Variants in GRID2 observed in about 807,000 individuals in gnomAD.
GRID2 encodes the protein glutamate receptor ionotropic, delta-2.
In GRID2, 33 loss-of-function variants were observed where a neutral mutation model predicts 114.8. The ratio of observed to expected loss-of-function variants is 0.29; its 90% CI spans 0.22 to 0.38. The LOEUF (loss-of-function observed/expected upper bound fraction) is 0.38. Among genes scored for constraint, GRID2 ranks in the 10% least tolerant of loss-of-function variants. GRID2 has a pLI of 1.00. For synonymous variants in GRID2, 505 were observed against 449.9 expected (o/e 1.12, Z -1.55); for missense variants, 1,184 against 1,257.7 (o/e 0.94, Z 0.89).
chr4:92,391,471 C>T (rs768060866), intron 1 of GRID2, among the ~76,000 whole-genome samples: 3 of 151,940 alleles, frequency 2.0e-5, no homozygotes, highest in Non-Finnish European at 2.9e-5. Context: ...TGGCATTGCT[C>T]TTATTATAGC....
At chr4:93,733,390 C>G (rs1471256258) in intron 14 of GRID2, among the ~76,000 whole-genome samples, 1 of 152,122 alleles carries the variant, frequency 6.6e-6, no homozygotes, top group East Asian at 1.9e-4. Context: ...TCCTTATTTA[C>G]AAAGTAGATC....
chr4:93,097,513 T>A (rs1169066462), intron 3 of GRID2, among the ~76,000 whole-genome samples: 1 of 151,938 alleles, frequency 6.6e-6, no homozygotes, highest in Non-Finnish European at 1.5e-5. Flanking sequence ...AGAAGAGCTT[T>A]TTAGTAATTG....
chr4:92,991,957 C>G (rs1754931545), intron 2 of GRID2, among the ~76,000 whole-genome samples: 1 of 152,070 alleles, frequency 6.6e-6, no homozygotes, highest in Non-Finnish European at 1.5e-5. Flanking sequence ...TACTTTATAT[C>G]AACGTATGTG....
intron 1 of GRID2, among the ~76,000 whole-genome samples, chr4:92,552,143 C>T (rs1726624194): frequency 6.6e-6 from 1 of 151,156 alleles, no homozygotes; most frequent in African/African-American, 2.4e-5. Context: ...AGCAGTACTT[C>T]GGTATGAGGA....
chr4:92,338,034 C>G (rs977999670), intron 1 of GRID2, among the ~76,000 whole-genome samples: 1 of 151,914 alleles, frequency 6.6e-6, no homozygotes, highest in African/African-American at 2.4e-5. Flanking sequence ...GAAGAAGCAC[C>G]AACAGTATCT....
chr4:92,351,457 G>C (rs1728066794), intron 1 of GRID2, among the ~76,000 whole-genome samples: 1 of 151,750 alleles, frequency 6.6e-6, no homozygotes, highest in Non-Finnish European at 1.5e-5. Flanking sequence ...ATCAGATCCA[G>C]GTAATTAGCA....
At chr4:92,514,350 T>C (rs62310697) in intron 1 of GRID2, among the ~76,000 whole-genome samples, 8,895 of 151,974 alleles carry the variant, frequency 0.059, 288 homozygotes, top group East Asian at 0.084. Flanking sequence ...TATGAAAGTT[T>C]ATTGAATTTA....
At chr4:92,562,727 C>T (rs1409889799) in intron 1 of GRID2, among the ~76,000 whole-genome samples, 1 of 152,062 alleles carries the variant, frequency 6.6e-6, no homozygotes, top group Non-Finnish European at 1.5e-5. Context: ...TGAATCTTGG[C>T]TCTCCAAACC....
intron 11 of GRID2, among the ~76,000 whole-genome samples, chr4:93,467,900 G>A (rs1355327693): frequency 6.6e-6 from 1 of 152,166 alleles, no homozygotes; most frequent in Admixed American, 6.5e-5. Context: ...AACAAAGGAA[G>A]TGTTAAACTT....
chr4:92,599,290 A>G (rs1223937586), intron 2 of GRID2, among the ~76,000 whole-genome samples: 1 of 152,230 alleles, frequency 6.6e-6, no homozygotes, highest in African/African-American at 2.4e-5. Flanking sequence ...TGAAGTAAAT[A>G]AGGCGCTGAG....
At chr4:93,156,022 C>A (rs1737152708) in intron 4 of GRID2, among the ~76,000 whole-genome samples, 1 of 151,286 alleles carries the variant, frequency 6.6e-6, no homozygotes, top group Non-Finnish European at 1.5e-5. Context: ...GTGATGGATA[C>A]CCAATTACCA....
chr4:93,774,456 T>A lies in GRID2; in HGVS notation c.*1958T>A, dbSNP rs528277382. On this transcript the variant is annotated 3_prime_UTR_variant, in exon 16 of 16. Transcript: ENST00000282020. ...GCTTATTTTGATGTATCGCCTATTA[T>A]ACAAACACACAAAACATTTTTGGAG... 10 of 152,276 alleles carry A rather than the reference T, an allele frequency of 6.6e-5. No individual in the cohort carries two copies. The East Asian group carries it at 1.9e-3, about 29-fold the overall frequency. 9.4% of individuals were successfully genotyped at this position (152,276 alleles called of 1,614,324 possible).
intron 8 of GRID2, among the ~76,000 whole-genome samples, chr4:93,337,755 A>G (rs1276144568): frequency 6.6e-6 from 1 of 152,250 alleles, no homozygotes; most frequent in Non-Finnish European, 1.5e-5. Flanking sequence ...CCGGACAAAT[A>G]AAAATGTTTA....
chr4:92,533,759 C>A (rs1297508606), intron 1 of GRID2, among the ~76,000 whole-genome samples: 1 of 152,010 alleles, frequency 6.6e-6, no homozygotes, highest in Non-Finnish European at 1.5e-5. Flanking sequence ...TTTACTATTT[C>A]TTGGAAATAA....
At chr4:92,850,969 C>G (rs1045947231) in intron 2 of GRID2, among the ~76,000 whole-genome samples, 4 of 151,898 alleles carry the variant, frequency 2.6e-5, no homozygotes, top group African/African-American at 9.7e-5. Flanking sequence ...CAGGTGTGTG[C>G]ATATGCACAT....
chr4:93,189,773 C>CCACACACACACACA (rs34137840), intron 4 of GRID2, among the ~76,000 whole-genome samples: 7 of 138,978 alleles, frequency 5.0e-5, no homozygotes, highest in African/African-American at 1.9e-4. Flanking sequence ...CCACACCACA[C>CCACACACACACACA]CACACACACA....
At chr4:93,634,026 C>G (rs1233365933) in intron 14 of GRID2, among the ~76,000 whole-genome samples, 1 of 152,144 alleles carries the variant, frequency 6.6e-6, no homozygotes, top group Admixed American at 6.6e-5. Context: ...AGAAGTTAAA[C>G]AGTTAACTGG....
chr4:93,234,690 A>G (rs1357374915), intron 7 of GRID2, among the ~76,000 whole-genome samples: 1 of 145,442 alleles, frequency 6.9e-6, no homozygotes, highest in East Asian at 2.0e-4. Context: ...CTATTTACCC[A>G]TAAAAATATT....
intron 8 of GRID2, among the ~76,000 whole-genome samples, chr4:93,333,365 G>A (rs1758701600): frequency 6.6e-6 from 1 of 152,134 alleles, no homozygotes; most frequent in African/African-American, 2.4e-5. Flanking sequence ...AAGTTCCAAA[G>A]GATTTATTAT....
Sources: gnomAD v4.1 joint callset for allele counts (sites outside exome capture counted in the v4.1 genomes callset) on GRCh38, gnomAD v4.1.1 for gene constraint, MANE v1.5 for transcripts, NCBI Gene and HGNC (gene_info 2026-07-23, HGNC 2026-07-21) for gene names.